C7: variants seen among roughly 807,000 people sequenced by gnomAD.
C7 encodes complement C7, also known as complement component C7.
Under a neutral mutation model 104.8 loss-of-function variants are expected in C7, and 83 were observed. The observed-to-expected ratio is 0.79, with a 90% CI of 0.66 to 0.95. The LOEUF (loss-of-function observed/expected upper bound fraction) is 0.95, where lower values mean the gene tolerates loss of function less well. Among genes scored for constraint, C7 ranks in the 40% least tolerant of loss-of-function variants. The probability of loss-of-function intolerance (pLI) is 0.00; values close to 1 mark genes in which losing one functional copy is unlikely to be tolerated. For synonymous variants in C7, 415 were observed against 360.6 expected (o/e 1.15, Z -1.71); for missense variants, 1,070 against 1,011.2 (o/e 1.06, Z -0.79).
At chr5:40,920,536 TAA>T (rs555616278) in intron 1 of C7, among the ~76,000 whole-genome samples, 98 of 121,662 alleles carry the variant, frequency 8.1e-4, no homozygotes, top group African/African-American at 1.3e-3. Context: ...GTTCTCCCAT[TAA>T]AAAAAAAAAA....
rs766973660 is a variant in C7 at position 40,984,341 on chromosome 5, C to T, written c.*2768C>T. Among the ~76,000 whole-genome samples, 32 of 152,130 alleles carry T rather than the reference C, an allele frequency of 2.1e-4. No individual in the cohort carries two copies. Among genetic ancestry groups the T allele is most frequent in the Non-Finnish European group, 3.8e-4 (26 of 68,032 alleles). ...AGCAGGAAATCTGACAAGTGACCCC[C>T]GGAACTTTGGATTACCTAGCAACTA... On this transcript the variant is annotated 3_prime_UTR_variant, in exon 18 of 18. Coordinates refer to ENST00000313164, the MANE Select transcript of C7 (RefSeq NM_000587.4).
intron 9 of C7, among the ~76,000 whole-genome samples, chr5:40,951,843 A>C (rs1740177582): frequency 6.6e-6 from 1 of 152,192 alleles, no homozygotes; most frequent in East Asian, 1.9e-4. Context: ...GAGGAAGATA[A>C]GTAGTAAAAC....
At chr5:40,912,552 T>C (rs1739230615) in intron 1 of C7, among the ~76,000 whole-genome samples, 1 of 151,980 alleles carries the variant, frequency 6.6e-6, no homozygotes, top group South Asian at 2.1e-4. Context: ...CTAATTTTTG[T>C]ATTTTTTGTT....
intron 15 of C7, among the ~76,000 whole-genome samples, chr5:40,972,845 A>T (rs1740730130): frequency 6.6e-6 from 1 of 152,198 alleles, no homozygotes. Flanking sequence ...CTTGTGAAAG[A>T]TTAGCTTTAT....
chr5:40,913,537 C>G (rs114932567), intron 1 of C7, among the ~76,000 whole-genome samples: 1 of 152,072 alleles, frequency 6.6e-6, no homozygotes, highest in African/African-American at 2.4e-5. Flanking sequence ...CTCTGTTATC[C>G]AGGCTGGAGA....
chr5:40,940,177 G>T (rs1032784103), intron 6 of C7, among the ~76,000 whole-genome samples: 1 of 152,184 alleles, frequency 6.6e-6, no homozygotes, highest in Non-Finnish European at 1.5e-5. Context: ...ATAAATATTA[G>T]TAGTAAATAT....
intron 6 of C7, among the ~76,000 whole-genome samples, chr5:40,943,859 A>T (rs927832133): frequency 1.3e-5 from 2 of 152,140 alleles, no homozygotes; most frequent in African/African-American, 4.8e-5. Flanking sequence ...TTTAGCATGC[A>T]TATCTAATAC....
At chr5:40,978,324 A>G (rs1299969964) in intron 16 of C7, among the ~76,000 whole-genome samples, 1 of 152,152 alleles carries the variant, frequency 6.6e-6, no homozygotes, top group Non-Finnish European at 1.5e-5. Context: ...GTCAGCCTAG[A>G]TACATTCTCA....
rs1375808130 is a variant in C7, at chr5:40,955,694, A to G, written c.1260+141A>G. The G allele has an allele frequency of 1.2e-5, 8 of 640,602 alleles. No individual in the cohort carries two copies. In the Admixed American group the frequency reaches 1.4e-4, roughly 11 times the overall value. The allele number at this position is 640,602 out of a possible 1,614,324, so 39.7% of individuals were successfully genotyped here. Reference sequence around the variant, plus strand: ...TATCCCAATTATATTTTGTAGAGTAAAATGAATGCACACATAATAATAAGA... The same window carrying G: ...TATCCCAATTATATTTTGTAGAGTAGAATGAATGCACACATAATAATAAGA... On this transcript the variant is annotated intron_variant, in intron 10 of 17. Coordinates refer to ENST00000313164, the MANE Select transcript of C7 (RefSeq NM_000587.4).
chr5:40,974,067 C>T (rs1171468092), intron 15 of C7, among the ~76,000 whole-genome samples: 4 of 150,830 alleles, frequency 2.7e-5, no homozygotes, highest in African/African-American at 9.8e-5. Context: ...ATAAAGCATA[C>T]ATAACATAAC....
intron 15 of C7, among the ~76,000 whole-genome samples, chr5:40,973,169 T>C (rs1740735609): frequency 6.6e-6 from 1 of 152,204 alleles, no homozygotes; most frequent in Non-Finnish European, 1.5e-5. Flanking sequence ...AAAATTAAAA[T>C]GGTCTTTTAA....
At chr5:40,971,230 C>T (rs1384093329) in intron 14 of C7, among the ~76,000 whole-genome samples, 1 of 152,202 alleles carries the variant, frequency 6.6e-6, no homozygotes, top group East Asian at 1.9e-4. Context: ...TATTTCTCCA[C>T]ATCCCCACCA....
At chr5:40,954,967 A>G (rs1740257611) in intron 9 of C7, 1 of 239,784 alleles carries the variant, frequency 4.2e-6, no homozygotes, top group East Asian at 1.4e-4. Flanking sequence ...GGTTCACAGC[A>G]CAATTGAGTG....
rs182470008 is a variant in C7, at chr5:40,918,281, G to C, written c.6+8665G>C. ...AGGCTGAGGTGGGAGCATCATTTGA[G>C]CCTGGGAGGTCGAGGGTGCAGTGAG... On this transcript the variant is annotated intron_variant, in intron 1 of 17. Transcript: ENST00000313164. Among the ~76,000 whole-genome samples the C allele has an allele frequency of 2.4e-3, 366 of 152,024 alleles. 2 individuals are homozygous for C. The highest frequency in any genetic ancestry group is 5.6e-3 in the South Asian group (27 of 4,796).
chr5:40,915,045 C>A (rs1246233742), intron 1 of C7, among the ~76,000 whole-genome samples: 1 of 151,996 alleles, frequency 6.6e-6, no homozygotes, highest in Non-Finnish European at 1.5e-5. Flanking sequence ...TTGGAAAGGA[C>A]CCCCAGGAAG....
chr5:40,935,303 G>A (rs1272634770), intron 4 of C7, among the ~76,000 whole-genome samples: 2 of 152,146 alleles, frequency 1.3e-5, no homozygotes, highest in Non-Finnish European at 2.9e-5. Flanking sequence ...TTGGTGAACT[G>A]TGAACTCCTT....
intron 6 of C7, among the ~76,000 whole-genome samples, chr5:40,939,105 C>T (rs907827262): frequency 6.6e-6 from 1 of 152,148 alleles, no homozygotes; most frequent in Non-Finnish European, 1.5e-5. Context: ...TAAACCCAAA[C>T]TACTGAAATG....
chr5:40,926,473 A>G (rs115357222), intron 1 of C7, among the ~76,000 whole-genome samples: 1,957 of 152,316 alleles, frequency 0.013, 52 homozygotes, highest in African/African-American at 0.045. Flanking sequence ...GAAGAAGTGA[A>G]AATGCCTGTG....
At chr5:40,932,942 G>A (rs1371883009) in intron 3 of C7, among the ~76,000 whole-genome samples, 1 of 152,072 alleles carries the variant, frequency 6.6e-6, no homozygotes, top group East Asian at 1.9e-4. Flanking sequence ...GAGAGTGGCT[G>A]CCATCAAGGG....
Sources: gnomAD v4.1 joint callset for allele counts (sites outside exome capture counted in the v4.1 genomes callset) on GRCh38, gnomAD v4.1.1 for gene constraint, MANE v1.5 for transcripts, NCBI Gene and HGNC (gene_info 2026-07-23, HGNC 2026-07-21) for gene names.